DCHS2: variants seen among roughly 807,000 people sequenced by gnomAD.
DCHS2 encodes the protein protocadherin-23.
In DCHS2, 142 loss-of-function variants were observed where a neutral mutation model predicts 182.4. The ratio of observed to expected loss-of-function variants is 0.78; its 90% CI spans 0.68 to 0.89. DCHS2 has a LOEUF of 0.89. DCHS2 is among the 40% of genes least tolerant of loss of function. The pLI is 0.00. For synonymous variants in DCHS2, 1,740 were observed against 1,663.3 expected (o/e 1.05, Z -1.12); for missense variants, 4,319 against 4,198.6 (o/e 1.03, Z -0.79).
chr4:154,401,966 C>T (rs1263009768), intron 1 of DCHS2, among the ~76,000 whole-genome samples: 1 of 152,188 alleles, frequency 6.6e-6, no homozygotes, highest in Non-Finnish European at 1.5e-5. Flanking sequence ...TTCACTCCAG[C>T]CTGGGCAACT....
chr4:154,287,274 C>T (rs1013940317), intron 13 of DCHS2, among the ~76,000 whole-genome samples: 2 of 152,100 alleles, frequency 1.3e-5, no homozygotes, highest in African/African-American at 4.8e-5. Context: ...AGGTACAAAA[C>T]TCACTGGTAA....
intron 13 of DCHS2, among the ~76,000 whole-genome samples, chr4:154,285,257 G>A (rs542283544): frequency 3.8e-4 from 58 of 152,128 alleles, no homozygotes; most frequent in Non-Finnish European, 7.5e-4. Context: ...AACCCTGGGC[G>A]AGACTCAGAG....
intron 3 of DCHS2, among the ~76,000 whole-genome samples, chr4:154,360,784 C>A (rs1024866293): frequency 6.6e-6 from 1 of 152,254 alleles, no homozygotes; most frequent in African/African-American, 2.4e-5. Flanking sequence ...TACAACTAAA[C>A]ACTGAGGAAC....
At chr4:154,445,514 C>T (rs749614100) in intron 1 of DCHS2, among the ~76,000 whole-genome samples, 14 of 152,116 alleles carry the variant, frequency 9.2e-5, no homozygotes, top group Non-Finnish European at 1.8e-4. Context: ...CCCCTTACAA[C>T]GAAAGCATAG....
In DCHS2 at chr4:154,239,307, G is replaced by A; in HGVS notation, c.7360-5C>T. The A allele has an allele frequency of 6.2e-7, 1 of 1,611,324 alleles. No homozygotes were observed. The highest frequency in any genetic ancestry group is 1.1e-5 in the South Asian group (1 of 90,528). On this transcript the variant is annotated splice_region_variant and splice_polypyrimidine_tract_variant and intron_variant, in intron 18 of 19. Transcript: ENST00000357232. Reference sequence around the variant, plus strand: ...TATTGATTCAGGAACTGTGACCTGAGGGAAAAAGAGAAAAATAGGGACATT... The same window carrying A: ...TATTGATTCAGGAACTGTGACCTGAAGGAAAAAGAGAAAAATAGGGACATT...
chr4:154,253,170 GGAGA>G (rs150322346), intron 16 of DCHS2, among the ~76,000 whole-genome samples: 4,780 of 147,682 alleles, frequency 0.032, 223 homozygotes, highest in African/African-American at 0.1. Flanking sequence ...TGGTGATGCT[GGAGA>G]GAGAGAGAGA....
chr4:154,422,495 A>G (rs1169285518), intron 1 of DCHS2, among the ~76,000 whole-genome samples: 1 of 152,184 alleles, frequency 6.6e-6, no homozygotes, highest in East Asian at 1.9e-4. Context: ...CTCCTTCTCT[A>G]TCAGAACCCT....
At chr4:154,327,624 C>T (rs968165860) in intron 7 of DCHS2, among the ~76,000 whole-genome samples, 7 of 152,044 alleles carry the variant, frequency 4.6e-5, no homozygotes, top group Non-Finnish European at 8.8e-5. Context: ...TAATAGTAAG[C>T]CCACTTCAAT....
chr4:154,332,392 T>A (rs1736573951), intron 5 of DCHS2, 86 bp downstream of exon 5: 2 of 1,251,338 alleles, frequency 1.6e-6, no homozygotes, highest in East Asian at 5.0e-5. Flanking sequence ...TTTGTTTAAT[T>A]TTTTATTTTT....
At chr4:154,466,436 T>C (rs1735242373) in intron 1 of DCHS2, among the ~76,000 whole-genome samples, 1 of 152,168 alleles carries the variant, frequency 6.6e-6, no homozygotes, top group South Asian at 2.1e-4. Context: ...ACACTGAGCC[T>C]AAAGAACCCA....
At chr4:154,481,257 T>C (rs1398288888) in intron 1 of DCHS2, among the ~76,000 whole-genome samples, 1 of 152,198 alleles carries the variant, frequency 6.6e-6, no homozygotes, top group Non-Finnish European at 1.5e-5. Flanking sequence ...ACTTTTATTT[T>C]ATTATTTAAT....
chr4:154,386,094 T>C (rs992356228), intron 1 of DCHS2, among the ~76,000 whole-genome samples: 2 of 152,152 alleles, frequency 1.3e-5, no homozygotes, highest in African/African-American at 2.4e-5. Flanking sequence ...TAGTGAACGA[T>C]ACTACCATTC....
intron 10 of DCHS2, among the ~76,000 whole-genome samples, chr4:154,308,031 T>C (rs1735518598): frequency 1.3e-5 from 2 of 152,178 alleles, no homozygotes; most frequent in African/African-American, 4.8e-5. Context: ...CCTTAAATTA[T>C]ATCCTTCTCT....
In DCHS2 at chr4:154,305,698, C is replaced by T. The variant is rs1006540472; in HGVS notation, c.5261-467G>A. ...GCGAGCACCTAGAATTGCTTATACA[C>T]GTATTTCTGTTTGTTTTGTTTTCGA... On this transcript the variant is annotated intron_variant, in intron 10 of 19. Transcript: ENST00000357232. Among the ~76,000 whole-genome samples the T allele has an allele frequency of 5.9e-5, 9 of 152,278 alleles. No homozygotes were observed. The South Asian group carries it at 8.3e-4, about 14-fold the overall frequency.
At chr4:154,455,355 A>C (rs1354790508) in intron 1 of DCHS2, among the ~76,000 whole-genome samples, 1 of 152,248 alleles carries the variant, frequency 6.6e-6, no homozygotes, top group Non-Finnish European at 1.5e-5. Context: ...TGTCAAGGGA[A>C]ATATCATAGG....
chr4:154,390,518 A>C (rs1366278004), intron 1 of DCHS2, among the ~76,000 whole-genome samples: 1 of 151,936 alleles, frequency 6.6e-6, no homozygotes, highest in Non-Finnish European at 1.5e-5. Flanking sequence ...ACACACACAC[A>C]CACCCACACA....
chr4:154,417,699 C>T (rs544586724), intron 1 of DCHS2, among the ~76,000 whole-genome samples: 1 of 152,228 alleles, frequency 6.6e-6, no homozygotes, highest in East Asian at 1.9e-4. Context: ...CCTAACATGG[C>T]CAGGGGGAAA....
In DCHS2 at chr4:154,489,823, G is replaced by A. The variant is rs766142731; in HGVS notation, c.1533C>T (p.Ala511=). The A allele has an allele frequency of 1.9e-5, 29 of 1,551,414 alleles. No individual in the cohort carries two copies. The East Asian group carries it at 6.6e-4, about 35-fold the overall frequency. ...SRDLYELLLV[A]TDAGSPPLST... is the part of the protein sequence containing the mutation. ...TCAGCGGCGGGGACCCCGCGTCCGT[G>A]GCCACCAGTAGTAACTCATACAGAT... Residue 511 remains alanine (A), a synonymous_variant, in exon 1 of 20, where the codon GCC becomes GCT. Coordinates refer to ENST00000357232, the MANE Select transcript of DCHS2 (RefSeq NM_001358235.2).
intron 1 of DCHS2, among the ~76,000 whole-genome samples, chr4:154,479,651 T>C (rs1197527040): frequency 6.6e-6 from 1 of 152,218 alleles, no homozygotes; most frequent in Admixed American, 6.5e-5. Context: ...TATCTTTCTT[T>C]TAAAATCTAC....
Sources: gnomAD v4.1 joint callset for allele counts (sites outside exome capture counted in the v4.1 genomes callset) on GRCh38, gnomAD v4.1.1 for gene constraint, MANE v1.5 for transcripts, NCBI Gene and HGNC (gene_info 2026-07-23, HGNC 2026-07-21) for gene names.